The following VILL variants were observed in gnomAD, a reference collection of about 807,000 sequenced individuals.
VILL encodes villin-like protein.
VILL carries 102 observed loss-of-function variants against 106.3 expected under a neutral mutation model. That is an observed-to-expected ratio of 0.96 (90% CI 0.82 to 1.13). The LOEUF is 1.13. Among genes scored for constraint, VILL ranks in the 50% most tolerant of loss-of-function variants. The pLI, the probability that VILL is intolerant of heterozygous loss-of-function variation, is 0.00. For synonymous variants in VILL, 431 were observed against 440.3 expected, an observed-to-expected ratio of 0.98 and a Z score of 0.27; for missense variants, 1,076 against 1,116.6, an observed-to-expected ratio of 0.96 and a Z score of 0.52.
At chr3:37,994,654 AT>A (rs1699670488) in intron 4 of VILL, among the ~76,000 whole-genome samples, 188 bp downstream of exon 4, 1 of 152,226 alleles carries the variant, frequency 6.6e-6, no homozygotes, top group Admixed American at 6.5e-5. Context: ...CATGTCAGTG[AT>A]TTTTAACAGT....
chr3:38,006,334 C>T lies in VILL; in HGVS notation c.2205+82C>T, dbSNP rs1699922918. 5 of 1,607,374 alleles carry T rather than the reference C, an allele frequency of 3.1e-6. No homozygotes were observed. In the Admixed American group the frequency reaches 6.7e-5, roughly 21 times the overall value. On this transcript the variant is annotated intron_variant, in intron 18 of 19. Transcript: ENST00000383759. ...CCTGATGGGCAGGGGAAGTGCCAGG[C>T]CCTTGTAAGTGGGAGGGGCTGCAGT... is the stretch of plus-strand genomic sequence containing the variant.
At position 38,006,995 on chromosome 3, in the gene VILL, A is replaced by C; in HGVS notation, c.2511A>C (p.Glu837Asp). 6.2e-7 allele frequency: 1 copy of C among 1,614,154 alleles called. No individual in the cohort carries two copies. Among genetic ancestry groups the C allele is most frequent in the Non-Finnish European group, 8.5e-7 (1 of 1,180,024 alleles). The change falls in exon 20 of 20, where the codon GAA becomes GAC. Residue 837 changes from glutamate to aspartate, a missense_variant. By Grantham distance (45) the Glu-to-Asp change is conservative. Coordinates refer to ENST00000383759, the MANE Select transcript of VILL (RefSeq NM_015873.4). ...FQDIFGKSKE[E>D]FYSMATWRQR... ...ATATCTTTGGGAAATCCAAGGAGGA[A>C]TTCTACAGCATGGCCACGTGGAGGC...
Position 37,993,933 on chromosome 3 carries a change from C to A in VILL, c.96C>A (p.Tyr32Ter). ...RKMVPVPEGA[Y>*]GNFFEEHCYV... ...TGGTGCCGGTACCCGAGGGGGCTTA[C>A]GGGAACTTTTTTGAGGAACACTGCT... Residue 32 changes from tyrosine (Y) to a stop codon, truncating the protein, a stop_gained, in exon 3 of 20, where the codon TAC (tyrosine) becomes TAA (stop). Coordinates refer to ENST00000383759, the MANE Select transcript of VILL (RefSeq NM_015873.4). LOFTEE classifies it high-confidence loss of function. 1 of 1,614,162 alleles carries A rather than the reference C, an allele frequency of 6.2e-7. No individual in the cohort carries two copies. The highest frequency in any genetic ancestry group is 1.7e-5 in the Admixed American group (1 of 60,024).
chr3:37,988,655 G>A (rs1230064826), upstream of VILL, among the ~76,000 whole-genome samples: 1 of 152,148 alleles, frequency 6.6e-6, no homozygotes, highest in Non-Finnish European at 1.5e-5. Context: ...TGGAGGTCAG[G>A]AGTTCGCAAC....
At chr3:38,002,269 A>C in intron 13 of VILL, 127 bp from the exon 14 acceptor site, 1 of 852,824 alleles carries the variant, frequency 1.2e-6, no homozygotes, top group Non-Finnish European at 1.8e-6. Flanking sequence ...CCTCATGTGA[A>C]ATCACCAGTG....
intron 4 of VILL, 39 bp from the exon 5 acceptor site, chr3:37,995,700 A>T: frequency 6.5e-7 from 1 of 1,541,280 alleles, no homozygotes; most frequent in South Asian, 1.1e-5. Context: ...GTTCTTATAT[A>T]CACAGAATGT....
chr3:37,997,158 C>A lies in VILL; in HGVS notation c.532C>A (p.Pro178Thr). ...LGKMMIQWNG[P>T]KTSISEKARG... ...CAAGATGATGATTCAGTGGAATGGG[C>A]CCAAGACCAGCATTTCTGAGAAGGC... Residue 178 changes from proline (P) to threonine (T), a missense_variant, in exon 6 of 20, where the codon CCC (proline) becomes ACC (threonine). Coordinates refer to ENST00000383759, the MANE Select transcript of VILL (RefSeq NM_015873.4). The surrounding 1 kb of genome is among the most constrained non-coding windows in gnomAD (Gnocchi z 4.7). 1 of 1,614,128 alleles carries A rather than the reference C, an allele frequency of 6.2e-7. No individual in the cohort carries two copies. Among genetic ancestry groups the A allele is most frequent in the East Asian group, 2.2e-5 (1 of 44,880 alleles).
chr3:37,994,374 A>G lies in VILL; in HGVS notation c.249A>G (p.Leu83=), dbSNP rs1162929329. The G allele has an allele frequency of 1.2e-6, 2 of 1,612,190 alleles. No individual in the cohort carries two copies. The highest frequency in any genetic ancestry group is 1.7e-6 in the Non-Finnish European group (2 of 1,179,762). The part of the protein sequence containing the change: ...QGAAEAFQQR[L]QDELGGQTVL... ...CTGCGGAGGCCTTCCAGCAGCGCCTACAGGACGAGCTGGGGGGCCAGACCG... is the reference window on the plus strand; with the variant it reads ...CTGCGGAGGCCTTCCAGCAGCGCCTGCAGGACGAGCTGGGGGGCCAGACCG... The change falls in exon 4 of 20, where the codon CTA becomes CTG. Residue 83 remains leucine (L), a synonymous_variant. Transcript: ENST00000383759.
chr3:37,997,044 A>G lies in VILL; in HGVS notation c.451-33A>G. ...CTCCCCTCTAGCGGATGCTGGTGGT[A>G]TGACACTCTGTCTCTCTCCCTGGCT... On this transcript the variant is annotated intron_variant, in intron 5 of 19. Transcript: ENST00000383759. The surrounding 1 kb of genome is among the most constrained non-coding windows in gnomAD (Gnocchi z 4.7). 1.9e-6 allele frequency: 3 copies of G among 1,595,666 alleles called. No homozygotes were observed. The highest frequency in any genetic ancestry group is 3.3e-5 in the Admixed American group (2 of 59,954).
intron 19 of VILL, 72 bp from the exon 20 acceptor site, chr3:38,006,870 C>T (rs1345466504): frequency 2.0e-6 from 3 of 1,523,246 alleles, no homozygotes; most frequent in East Asian, 2.3e-5. Context: ...ATGACTGACA[C>T]TACTGAGTGG....
rs542948335 is a variant in VILL at position 38,006,882 on chromosome 3, G to A, written c.2458-60G>A. ...TGGATGACTGACACTACTGAGTGGG[G>A]CAGGATTCTGGGCTCAGATGACACC... On this transcript the variant is annotated intron_variant, in intron 19 of 19. Coordinates refer to ENST00000383759, the MANE Select transcript of VILL (RefSeq NM_015873.4). 4 of 1,542,596 alleles carry A rather than the reference G, an allele frequency of 2.6e-6. No individual in the cohort carries two copies. The South Asian group carries it at 3.5e-5, about 14-fold the overall frequency.
Position 37,998,921 on chromosome 3 carries a change from C to T in VILL, c.952C>T (p.Gln318Ter). Residue 318 changes from glutamine (Q) to a stop codon, truncating the protein, a stop_gained, in exon 10 of 20, where the codon CAG (glutamine) becomes TAG (stop). Coordinates refer to ENST00000383759, the MANE Select transcript of VILL (RefSeq NM_015873.4). LOFTEE classifies it high-confidence loss of function. The surrounding 1 kb of genome is among the most constrained non-coding windows in gnomAD (Gnocchi z 4.1). ...AAFSRAVGFI[Q>*]AKGYPTYTNV... ...ATGCCTTCCGCCCCAGGGCTTCATC[C>T]AGGCCAAGGGCTACCCGACCTACAC... 2.5e-6 allele frequency: 4 copies of T among 1,596,446 alleles called. No homozygotes were observed. The highest frequency in any genetic ancestry group is 3.4e-6 in the Non-Finnish European group (4 of 1,168,876).
chr3:38,002,060 A>G, intron 13 of VILL, 200 bp downstream of exon 13: 1 of 857,740 alleles, frequency 1.2e-6, no homozygotes, highest in Admixed American at 2.7e-5. Context: ...GAGCCAGATG[A>G]GGAATTTGAG....
At chr3:37,994,149 T>C (rs1575333577) in intron 3 of VILL, 112 bp from the exon 4 acceptor site, 1 of 1,431,958 alleles carries the variant, frequency 7.0e-7, no homozygotes, top group Non-Finnish European at 9.6e-7. Context: ...CTTCCTGATC[T>C]CCGCGGAAGC....
At chr3:37,992,003 C>T (rs568875016) in intron 1 of VILL, among the ~76,000 whole-genome samples, 36 of 152,220 alleles carry the variant, frequency 2.4e-4, no homozygotes, top group South Asian at 4.1e-4. Flanking sequence ...GGATATCAGA[C>T]GGGCTCCCGG....
At position 37,998,974 on chromosome 3, in the gene VILL, C is replaced by G. The variant is rs377611133; in HGVS notation, c.1005C>G (p.Ala335=). The G allele has an allele frequency of 3.7e-6, 6 of 1,609,840 alleles. No homozygotes were observed. In the South Asian group the frequency reaches 5.5e-5, roughly 15 times the overall value. Residue 335 remains alanine (A), a synonymous_variant, in exon 10 of 20, where the codon GCC becomes GCG. Transcript: ENST00000383759. The surrounding 1 kb of genome is among the most constrained non-coding windows in gnomAD (Gnocchi z 4.1). The part of the protein sequence containing the change: ...YTNVEVVNDG[A]ESAAFKQLFR... ...ACGTGGAGGTGGTGAACGACGGCGC[C>G]GAGTCGGCCGCGTTCAAGCAGCTCT...
Position 37,997,179 on chromosome 3 carries a change from A to G in VILL, c.553A>G (p.Lys185Glu). The change falls in exon 6 of 20, where the codon AAG (lysine) becomes GAG (glutamate). Residue 185 changes from lysine (K) to glutamate (E), a missense_variant. Transcript: ENST00000383759. This position sits in a 1 kb window ranked among gnomAD's most constrained non-coding sequence, Gnocchi z 4.7. ...TGGGCCCAAGACCAGCATTTCTGAG[A>G]AGGCTCGGGTCAGTGTCTGCCCAAG... The part of the protein sequence containing the change: ...WNGPKTSISE[K>E]ARGLALTYSL... The G allele has an allele frequency of 6.2e-7, 1 of 1,614,104 alleles. No individual in the cohort carries two copies. Among genetic ancestry groups the G allele is most frequent in the South Asian group, 1.1e-5 (1 of 91,080 alleles).
At chr3:37,996,816 T>A (rs1301779791) in intron 5 of VILL, among the ~76,000 whole-genome samples, 1 of 152,194 alleles carries the variant, frequency 6.6e-6, no homozygotes, top group African/African-American at 2.4e-5. Context: ...CATGTGTATA[T>A]GCACACACAC....
At chr3:38,004,810 G>T (rs1392356984) in intron 16 of VILL, among the ~76,000 whole-genome samples, 1 of 152,196 alleles carries the variant, frequency 6.6e-6, no homozygotes, top group Non-Finnish European at 1.5e-5. Context: ...TCGTGCACCT[G>T]TGTGTGACAC....
Sources: gnomAD v4.1 joint callset for allele counts (sites outside exome capture counted in the v4.1 genomes callset) on GRCh38, gnomAD v4.1.1 for gene constraint, Gnocchi (gnomAD v3.1) non-coding constraint, MANE v1.5 for transcripts, NCBI Gene and HGNC (gene_info 2026-07-23, HGNC 2026-07-21) for gene names.